ME1: variants seen among roughly 807,000 people sequenced by gnomAD.
ME1 encodes NADP-dependent malic enzyme.
A neutral mutation model predicts 66.4 loss-of-function variants in ME1; 74 were observed. The observed-to-expected ratio is 1.11, with a 90% CI of 0.92 to 1.35. The LOEUF is 1.35. Ranked by LOEUF, ME1 falls within the 40% of genes most tolerant of loss-of-function variation. The pLI is 0.00. For synonymous variants in ME1, 251 were observed against 235.6 expected (o/e 1.07, Z -0.60); for missense variants, 750 against 694.1 (o/e 1.08, Z -0.90).
intron 6 of ME1, among the ~76,000 whole-genome samples, chr6:83,298,936 T>TG: frequency 3.7e-5 from 2 of 54,698 alleles, no homozygotes; most frequent in African/African-American, 1.3e-4. Context: ...TGTCTGTTTT[T>TG]TTTTTTTTTT....
chr6:83,331,286 G>A (rs915653935), intron 5 of ME1, among the ~76,000 whole-genome samples: 1 of 152,018 alleles, frequency 6.6e-6, no homozygotes, highest in African/African-American at 2.4e-5. Context: ...AATATGACTG[G>A]TCCTTTTAAG....
intron 3 of ME1, among the ~76,000 whole-genome samples, chr6:83,364,404 A>ATG (rs1216933074): frequency 1.3e-5 from 2 of 152,148 alleles, no homozygotes; most frequent in African/African-American, 4.8e-5. Flanking sequence ...ATATATATAT[A>ATG]TTCCATTAGT....
intron 6 of ME1, among the ~76,000 whole-genome samples, chr6:83,290,337 T>C (rs1313109529): frequency 6.6e-6 from 1 of 152,202 alleles, no homozygotes; most frequent in Non-Finnish European, 1.5e-5. Context: ...GTCTTTGTTC[T>C]AGTTGGTTTC....
At chr6:83,322,820 T>A (rs1044978647) in intron 5 of ME1, among the ~76,000 whole-genome samples, 33 of 151,834 alleles carry the variant, frequency 2.2e-4, no homozygotes, top group African/African-American at 8.0e-4. Context: ...ACAAAGATAC[T>A]CCTCGACAAA....
chr6:83,376,804 C>CCAAA (rs768668584), intron 3 of ME1, among the ~76,000 whole-genome samples: 1 of 87,126 alleles, frequency 1.1e-5, no homozygotes, highest in African/African-American at 3.9e-5. Flanking sequence ...CCCTGTCTCA[C>CCAAA]AAAAAAAAAA....
At chr6:83,368,378 C>T (rs200209111) in intron 3 of ME1, among the ~76,000 whole-genome samples, 123 of 149,136 alleles carry the variant, frequency 8.2e-4, no homozygotes, top group African/African-American at 2.9e-3. Context: ...TTATAAAAAA[C>T]AAAAAAAAAT....
chr6:83,255,966 C>T (rs1766761180), intron 6 of ME1, among the ~76,000 whole-genome samples: 1 of 152,014 alleles, frequency 6.6e-6, no homozygotes, highest in Non-Finnish European at 1.5e-5. Context: ...AAAAAAATAC[C>T]TCCCTGCTTT....
chr6:83,308,537 G>C (rs1767872028), intron 6 of ME1, among the ~76,000 whole-genome samples: 1 of 147,638 alleles, frequency 6.8e-6, no homozygotes, highest in East Asian at 2.0e-4. Context: ...ACATATTTAA[G>C]AGCTTTAATA....
rs987534603 is a variant in ME1 at position 83,346,692 on chromosome 6, C to T, written c.439-358G>A. Among the ~76,000 whole-genome samples, 5 of 152,202 alleles carry T rather than the reference C, an allele frequency of 3.3e-5. 1 individual carries two copies. In the East Asian group the frequency reaches 7.7e-4, roughly 24 times the overall value. ...CAGGGTGGTTTTGAGCAAGAGTGTC[C>T]TTAGTAAAGTACTGCATAGTTACTG... On this transcript the variant is annotated intron_variant, in intron 4 of 13. Coordinates refer to ENST00000369705, the MANE Select transcript of ME1 (RefSeq NM_002395.6).
intron 13 of ME1, among the ~76,000 whole-genome samples, chr6:83,213,699 A>G (rs1355076993): frequency 6.6e-6 from 1 of 152,024 alleles, no homozygotes; most frequent in Non-Finnish European, 1.5e-5. Flanking sequence ...CAATATTTAT[A>G]TGACTGACTT....
At chr6:83,393,530 C>A in intron 3 of ME1, 1 of 297,384 alleles carries the variant, frequency 3.4e-6, no homozygotes, top group Non-Finnish European at 6.1e-6. Flanking sequence ...TCATAGTTTC[C>A]ATGCAGACCC....
intron 6 of ME1, among the ~76,000 whole-genome samples, chr6:83,260,630 T>C (rs981842538): frequency 5.3e-5 from 8 of 152,154 alleles, no homozygotes; most frequent in Admixed American, 4.6e-4. Context: ...CCAGTGTCTG[T>C]TGTGCCCCTC....
chr6:83,280,948 T>A (rs1767276645), intron 6 of ME1, among the ~76,000 whole-genome samples: 1 of 152,246 alleles, frequency 6.6e-6, no homozygotes, highest in African/African-American at 2.4e-5. Context: ...TGTTGAGGAC[T>A]AATAAAATCA....
chr6:83,412,370 G>C (rs1473015742), intron 1 of ME1, among the ~76,000 whole-genome samples: 1 of 152,118 alleles, frequency 6.6e-6, no homozygotes, highest in Admixed American at 6.6e-5. Flanking sequence ...CGGCAGAGAT[G>C]GTTTGTGTGT....
intron 1 of ME1, among the ~76,000 whole-genome samples, chr6:83,426,405 G>C (rs963917979): frequency 1.3e-5 from 2 of 152,156 alleles, no homozygotes; most frequent in African/African-American, 4.8e-5. Flanking sequence ...CTGCAGCAAG[G>C]TAACAAACAT....
At chr6:83,317,427 T>C (rs1472932627) in intron 5 of ME1, among the ~76,000 whole-genome samples, 5 of 151,722 alleles carry the variant, frequency 3.3e-5, no homozygotes, top group African/African-American at 1.2e-4. Context: ...TTTGAAGCAA[T>C]TGTGAATGGG....
At chr6:83,346,587 C>T (rs1000217458) in intron 4 of ME1, among the ~76,000 whole-genome samples, 2 of 152,038 alleles carry the variant, frequency 1.3e-5, no homozygotes, top group Admixed American at 6.6e-5. Flanking sequence ...TTCAAACATA[C>T]CAAATAACTT....
At chr6:83,408,910 C>T (rs1334026462) in intron 1 of ME1, among the ~76,000 whole-genome samples, 2 of 152,124 alleles carry the variant, frequency 1.3e-5, no homozygotes, top group Non-Finnish European at 2.9e-5. Flanking sequence ...ATGGTCTGAA[C>T]ATTTGAGTCC....
intron 7 of ME1, among the ~76,000 whole-genome samples, chr6:83,249,430 T>C (rs1212310858): frequency 1.3e-5 from 2 of 152,124 alleles, no homozygotes; most frequent in Non-Finnish European, 2.9e-5. Context: ...CTTCACCATA[T>C]TGGCCAGGCT....
Sources: allele counts gnomAD v4.1 joint callset (sites outside exome capture counted in the v4.1 genomes callset), GRCh38; gene constraint gnomAD v4.1.1; transcripts MANE v1.5; gene names NCBI Gene and HGNC (gene_info 2026-07-23, HGNC 2026-07-21).